Variants in A4GALT observed in about 807,000 individuals in gnomAD.
A4GALT encodes alpha 1,4-galactosyltransferase (P1PK blood group), also known as lactosylceramide 4-alpha-galactosyltransferase.
For synonymous variants in A4GALT, 257 were observed against 220.7 expected (o/e 1.16, Z -1.46); for missense variants, 512 against 486.0 (o/e 1.05, Z -0.50).
intron 1 of A4GALT, among the ~76,000 whole-genome samples, chr22:42,715,827 C>T (rs1463156622): frequency 2.2e-5 from 3 of 138,336 alleles, no homozygotes; most frequent in Non-Finnish European, 4.6e-5. Flanking sequence ...CGGAAAGATA[C>T]AATCTTTTTT....
At chr22:42,694,474 C>A in intron 2 of A4GALT, 1 of 168,616 alleles carries the variant, frequency 5.9e-6, no homozygotes, top group East Asian at 1.5e-4. Context: ...GGATGTTCAG[C>A]ATGAGGTCTG....
intron 1 of A4GALT, among the ~76,000 whole-genome samples, chr22:42,703,754 C>T (rs539807925): frequency 6.6e-6 from 1 of 152,286 alleles, no homozygotes; most frequent in Non-Finnish European, 1.5e-5. Flanking sequence ...TGGCGGGACA[C>T]ATGGGCACCT....
At chr22:42,697,977 G>A (rs963822244) in intron 1 of A4GALT, among the ~76,000 whole-genome samples, 4 of 152,146 alleles carry the variant, frequency 2.6e-5, no homozygotes, top group South Asian at 4.1e-4. Context: ...ATGGCCGGGC[G>A]CGGTGGCTCA....
chr22:42,702,113 T>C (rs559169519), intron 1 of A4GALT, among the ~76,000 whole-genome samples: 71 of 151,740 alleles, frequency 4.7e-4, no homozygotes, highest in East Asian at 1.9e-3. Context: ...CTCTCTCTCT[T>C]TCTCTCTCTC....
intron 1 of A4GALT, among the ~76,000 whole-genome samples, chr22:42,698,697 G>T (rs1337529265): frequency 6.6e-6 from 1 of 152,202 alleles, no homozygotes; most frequent in Admixed American, 6.5e-5. Flanking sequence ...ATCTTAAATA[G>T]GAGCTGAGTA....
At position 42,693,976 on chromosome 22, in the gene A4GALT, C is replaced by G; in HGVS notation, c.-25G>C. The G allele has an allele frequency of 6.4e-7, 1 of 1,554,656 alleles. No homozygotes were observed. The highest frequency in any genetic ancestry group is 1.9e-5 in the Admixed American group (1 of 52,248). On this transcript the variant is annotated 5_prime_UTR_variant, in exon 3 of 3. Transcript: ENST00000642412. ...TGGTATCCCCAGATCAGACCAGGAGCTTCCAGCAGGAACCGGCTGGTCTGC... is the reference window on the plus strand; with the variant it reads ...TGGTATCCCCAGATCAGACCAGGAGGTTCCAGCAGGAACCGGCTGGTCTGC...
intron 1 of A4GALT, among the ~76,000 whole-genome samples, chr22:42,696,780 C>T (rs3761462): frequency 0.4 from 59,867 of 151,120 alleles, 12,503 homozygotes; most frequent in African/African-American, 0.53. Flanking sequence ...CCTGACCTCA[C>T]GTTCTGCTTC....
rs908022510 is a variant in A4GALT, at chr22:42,692,391, C to T, written c.*499G>A. ...TCAGTCCCTGTTGACCTCCCCCACC[C>T]CCCGCGAAAGAGGAACCAAAACCAG... On this transcript the variant is annotated 3_prime_UTR_variant, in exon 3 of 3. Coordinates refer to ENST00000642412, the MANE Select transcript of A4GALT (RefSeq NM_017436.7). This position sits in a 1 kb window ranked among gnomAD's most constrained non-coding sequence, Gnocchi z 4.6. 12 of 330,758 alleles carry T rather than the reference C, an allele frequency of 3.6e-5. No individual in the cohort carries two copies. The highest frequency in any genetic ancestry group is 1.6e-4 in the East Asian group (2 of 12,504). The allele number at this position is 330,758 out of a possible 1,614,324, so 20.5% of individuals were successfully genotyped here.
rs1379166662 is a variant in A4GALT, at chr22:42,693,543, G to A, written c.409C>T (p.Pro137Ser). 2 of 1,613,378 alleles carry A rather than the reference G, an allele frequency of 1.2e-6. No individual in the cohort carries two copies. Among genetic ancestry groups the A allele is most frequent in the Non-Finnish European group, 8.5e-7 (1 of 1,180,042 alleles). ...HLGISLLSCFPNVQMLPLDLR... is the reference protein window; with the variant it reads ...HLGISLLSCFSNVQMLPLDLR... ...TCCAGCGGGAGCATCTGGACATTCG[G>A]GAAGCAGCTCAGAAGTGAGATGCCC... The change falls in exon 3 of 3, where the codon CCG becomes TCG. Residue 137 changes from proline (P) to serine (S), a missense_variant. Transcript: ENST00000642412.
chr22:42,694,837 C>T (rs1439714244), intron 2 of A4GALT: 4 of 152,158 alleles, frequency 2.6e-5, no homozygotes, highest in Admixed American at 2.0e-4. Flanking sequence ...ATTCATAGTT[C>T]GATAAATACT....
chr22:42,701,008 G>C (rs189778530), intron 1 of A4GALT, among the ~76,000 whole-genome samples: 1 of 152,306 alleles, frequency 6.6e-6, no homozygotes, highest in Admixed American at 6.5e-5. Context: ...CAACTGGATG[G>C]TGAGAGCCTG....
In A4GALT at chr22:42,692,428, G is replaced by C; in HGVS notation, c.*462C>G. ...GGAACCAAAACCAGAAAAGAACAAA[G>C]CATCCTCCGCCCCGGACCCTTGGGG... is the stretch of plus-strand genomic sequence containing the variant. On this transcript the variant is annotated 3_prime_UTR_variant, in exon 3 of 3. Coordinates refer to ENST00000642412, the MANE Select transcript of A4GALT (RefSeq NM_017436.7). The surrounding 1 kb of genome is among the most constrained non-coding windows in gnomAD (Gnocchi z 4.6). 1 of 305,270 alleles carries C rather than the reference G, an allele frequency of 3.3e-6. No individual in the cohort carries two copies. Among genetic ancestry groups the C allele is most frequent in the Non-Finnish European group, 6.5e-6 (1 of 155,000 alleles). 18.9% of individuals were successfully genotyped at this position (305,270 alleles called of 1,614,324 possible). A position where few individuals can be genotyped will look rare whatever the true frequency, so the allele number is the denominator to read the frequency against.
intron 1 of A4GALT, among the ~76,000 whole-genome samples, chr22:42,720,145 G>A (rs1922577125): frequency 6.6e-6 from 1 of 152,184 alleles, no homozygotes; most frequent in South Asian, 2.1e-4. Flanking sequence ...GGAGGGAGGG[G>A]CGCCTGCGGA....
intron 1 of A4GALT, among the ~76,000 whole-genome samples, chr22:42,712,205 TG>T (rs1364124228): frequency 6.6e-6 from 1 of 152,206 alleles, no homozygotes; most frequent in African/African-American, 2.4e-5. Flanking sequence ...CACAGGAAGC[TG>T]GATCTGGCTG....
At chr22:42,714,971 A>T (rs1569068872) in intron 1 of A4GALT, among the ~76,000 whole-genome samples, 1 of 148,814 alleles carries the variant, frequency 6.7e-6, no homozygotes, top group Non-Finnish European at 1.5e-5. Flanking sequence ...CTCAGGGAGG[A>T]GGAAGATCAG....
At chr22:42,703,990 G>A (rs569198886) in intron 1 of A4GALT, among the ~76,000 whole-genome samples, 1 of 152,274 alleles carries the variant, frequency 6.6e-6, no homozygotes, top group African/African-American at 2.4e-5. Flanking sequence ...TCAAAGGAGG[G>A]GGTGGGCTCC....
At position 42,692,916 on chromosome 22, in the gene A4GALT, G is replaced by T; in HGVS notation, c.1036C>A (p.His346Asn). 1 of 1,606,154 alleles carries T rather than the reference G, an allele frequency of 6.2e-7. No homozygotes were observed. The highest frequency in any genetic ancestry group is 1.1e-5 in the South Asian group (1 of 91,060). The change falls in exon 3 of 3, where the codon CAC (histidine) becomes AAC (asparagine). Residue 346 changes from histidine (H) to asparagine (N), a missense_variant. Transcript: ENST00000642412. This position sits in a 1 kb window ranked among gnomAD's most constrained non-coding sequence, Gnocchi z 4.6. ...CACAAGTACATTTTCATGGCCTCGTGCGTCGTGGGGCAGTAGCGGGCATGC... is the reference window on the plus strand; with the variant it reads ...CACAAGTACATTTTCATGGCCTCGTTCGTCGTGGGGCAGTAGCGGGCATGC... ...QLHARYCPTT[H>N]EAMKMYL
intron 1 of A4GALT, among the ~76,000 whole-genome samples, chr22:42,700,576 G>A (rs1012945520): frequency 6.6e-6 from 1 of 152,180 alleles, no homozygotes; most frequent in Non-Finnish European, 1.5e-5. Flanking sequence ...GCTGGGGTGT[G>A]GCCACCCCTG....
rs920719550 is a variant in A4GALT, at chr22:42,692,130, G to C, written c.*760C>G. The C allele has an allele frequency of 1.9e-5, 3 of 161,610 alleles. No individual in the cohort carries two copies. The highest frequency in any genetic ancestry group is 7.2e-5 in the African/African-American group (3 of 41,514). The allele number at this position is 161,610 out of a possible 1,614,324, so 10.0% of individuals were successfully genotyped here. On this transcript the variant is annotated 3_prime_UTR_variant, in exon 3 of 3. Transcript: ENST00000642412. This position sits in a 1 kb window ranked among gnomAD's most constrained non-coding sequence, Gnocchi z 4.6. ...ATCACAAGGCCCGAAGTGACAGTCGGTCACTTTTATTCTATTGATTATTCT... is the reference window on the plus strand; with the variant it reads ...ATCACAAGGCCCGAAGTGACAGTCGCTCACTTTTATTCTATTGATTATTCT...
Sources: allele counts gnomAD v4.1 joint callset (sites outside exome capture counted in the v4.1 genomes callset), GRCh38; gene constraint gnomAD v4.1.1; non-coding constraint Gnocchi (gnomAD v3.1); transcripts MANE v1.5; gene names NCBI Gene and HGNC (gene_info 2026-07-23, HGNC 2026-07-21).